FOCAD: variants seen among roughly 807,000 people sequenced by gnomAD.
FOCAD encodes focadhesin, also known as KIAA1797.
In FOCAD, 198 loss-of-function variants were observed where a neutral mutation model predicts 225.6. The observed-to-expected ratio is 0.88, with a 90% CI of 0.78 to 0.99. The LOEUF (loss-of-function observed/expected upper bound fraction) is 0.99. Ranked by LOEUF, FOCAD falls within the 50% of genes least tolerant of loss-of-function variation. The pLI is 0.00. For synonymous variants in FOCAD, 897 were observed against 755.0 expected (o/e 1.19, Z -3.08); for missense variants, 2,713 against 2,123.6 (o/e 1.28, Z -5.46).
chr9:20,919,108 C>A (rs1192452909), intron 24 of FOCAD, among the ~76,000 whole-genome samples: 2 of 152,188 alleles, frequency 1.3e-5, no homozygotes, highest in Non-Finnish European at 2.9e-5. Flanking sequence ...TAAGCAACTT[C>A]AGCAAAGTCT....
At chr9:20,871,881 A>C (rs976314516) in intron 18 of FOCAD, among the ~76,000 whole-genome samples, 1 of 149,628 alleles carries the variant, frequency 6.7e-6, no homozygotes, top group African/African-American at 2.5e-5. Context: ...CACATTGTGC[A>C]CATGTACCCT....
At chr9:20,742,760 A>G (rs537558567) in intron 5 of FOCAD, among the ~76,000 whole-genome samples, 31 of 152,192 alleles carry the variant, frequency 2.0e-4, no homozygotes, top group Non-Finnish European at 2.6e-4. Context: ...ATTTTTTCCT[A>G]TAGTTGGTTC....
At chr9:20,757,313 G>A (rs575558836) in intron 5 of FOCAD, among the ~76,000 whole-genome samples, 4 of 152,166 alleles carry the variant, frequency 2.6e-5, no homozygotes, top group Non-Finnish European at 4.4e-5. Flanking sequence ...AGTTTAAAAA[G>A]CTGACCAATT....
intron 39 of FOCAD, 70 bp downstream of exon 39, chr9:20,982,516 G>A (rs56069924): frequency 7.8e-6 from 10 of 1,277,798 alleles, no homozygotes; most frequent in African/African-American, 3.0e-5. Context: ...ATTGATTTCA[G>A]TGTTTGGCTG....
At chr9:20,966,705 G>T (rs1839290209) in intron 35 of FOCAD, among the ~76,000 whole-genome samples, 1 of 151,922 alleles carries the variant, frequency 6.6e-6, no homozygotes, top group Admixed American at 6.6e-5. Flanking sequence ...GTGTTAGGTA[G>T]GGACCTAGCT....
intron 6 of FOCAD, among the ~76,000 whole-genome samples, chr9:20,758,554 C>A (rs1829277406): frequency 6.8e-6 from 1 of 148,006 alleles, no homozygotes; most frequent in African/African-American, 2.5e-5. Context: ...TGTGATGTTC[C>A]CCTTCCTGTG....
At chr9:20,692,450 T>C (rs1435312656) in intron 1 of FOCAD, among the ~76,000 whole-genome samples, 3 of 152,210 alleles carry the variant, frequency 2.0e-5, no homozygotes, top group Non-Finnish European at 4.4e-5. Context: ...GATCTTGCAG[T>C]AGCCTCTATA....
At chr9:20,706,308 G>T (rs549107056) in intron 1 of FOCAD, among the ~76,000 whole-genome samples, 2 of 152,048 alleles carry the variant, frequency 1.3e-5, no homozygotes, top group South Asian at 4.2e-4. Context: ...GGAATTTCCT[G>T]CCTTTGATCT....
chr9:20,702,099 G>GTTA (rs111348108), intron 1 of FOCAD, among the ~76,000 whole-genome samples: 5,547 of 151,050 alleles, frequency 0.037, 319 homozygotes, highest in African/African-American at 0.13. Flanking sequence ...TATTGTTATT[G>GTTA]TTATTATTAT....
At chr9:20,953,897 A>G (rs543306716) in intron 35 of FOCAD, among the ~76,000 whole-genome samples, 1 of 152,288 alleles carries the variant, frequency 6.6e-6, no homozygotes, top group African/African-American at 2.4e-5. Flanking sequence ...AAAAATAAAC[A>G]AAAAAACTGG....
At chr9:20,726,225 T>C (rs1826184683) in intron 4 of FOCAD, 1 of 152,180 alleles carries the variant, frequency 6.6e-6, no homozygotes, top group Admixed American at 6.5e-5. Context: ...CCCAAACCAT[T>C]TTTCTTTCCT....
At chr9:20,842,123 C>T (rs914825303) in intron 15 of FOCAD, among the ~76,000 whole-genome samples, 8 of 112,628 alleles carry the variant, frequency 7.1e-5, no homozygotes, top group African/African-American at 2.2e-4. Flanking sequence ...AGATACTTTA[C>T]ATGATTTTTT....
rs529642733 is a variant in FOCAD at position 20,701,909 on chromosome 9, C to A, written c.-32-13413C>A. Among the ~76,000 whole-genome samples the A allele has an allele frequency of 2.2e-3, 336 of 152,082 alleles. 1 individual carries two copies. Among genetic ancestry groups the A allele is most frequent in the African/African-American group, 7.6e-3 (317 of 41,472 alleles). On this transcript the variant is annotated intron_variant, in intron 1 of 43. Coordinates refer to ENST00000338382, the MANE Select transcript of FOCAD (RefSeq NM_001375567.1). ...TTGATTTAACACGTATGTGCAAACC[C>A]AGGTAATTCATTTAAAGATTTATTT...
At chr9:20,963,562 T>C (rs1031867125) in intron 35 of FOCAD, among the ~76,000 whole-genome samples, 24 of 152,200 alleles carry the variant, frequency 1.6e-4, no homozygotes, top group Admixed American at 1.1e-3. Context: ...AGTAGAAATC[T>C]ATTTATGAAT....
chr9:20,859,806 C>T (rs368851572), intron 15 of FOCAD, among the ~76,000 whole-genome samples: 1 of 150,468 alleles, frequency 6.6e-6, no homozygotes, highest in African/African-American at 2.4e-5. Flanking sequence ...AAGCTAGACA[C>T]CAAAGAGCAC....
intron 5 of FOCAD, among the ~76,000 whole-genome samples, chr9:20,751,208 G>A (rs1563943562): frequency 6.7e-6 from 1 of 149,258 alleles, no homozygotes; most frequent in Admixed American, 6.7e-5. Context: ...TATGCACAAT[G>A]TGCAGGTTAG....
chr9:20,837,305 C>T (rs1039834545), intron 15 of FOCAD, among the ~76,000 whole-genome samples: 3 of 151,970 alleles, frequency 2.0e-5, no homozygotes, highest in African/African-American at 4.8e-5. Flanking sequence ...CGTGAGTTTC[C>T]GGCTCTCAGT....
intron 10 of FOCAD, among the ~76,000 whole-genome samples, chr9:20,784,809 C>G (rs1451077074): frequency 1.3e-5 from 2 of 152,116 alleles, no homozygotes; most frequent in African/African-American, 2.4e-5. Context: ...AAGGAATTGT[C>G]ATTGTCCTAC....
intron 28 of FOCAD, among the ~76,000 whole-genome samples, chr9:20,939,150 CAAAAAAA>C (rs565280892): frequency 2.8e-5 from 2 of 72,498 alleles, no homozygotes; most frequent in Non-Finnish European, 5.3e-5. Flanking sequence ...ACTCTCTTCT[CAAAAAAA>C]AAAAAAAAAA....
Sources: allele counts gnomAD v4.1 joint callset (sites outside exome capture counted in the v4.1 genomes callset), GRCh38; gene constraint gnomAD v4.1.1; transcripts MANE v1.5; gene names NCBI Gene and HGNC (gene_info 2026-07-23, HGNC 2026-07-21).